The following ANO1 variants were observed in gnomAD, a reference collection of about 807,000 sequenced individuals.
ANO1 encodes the protein anoctamin-1.
Under a neutral mutation model 124.0 loss-of-function variants are expected in ANO1, and 59 were observed. The observed-to-expected ratio is 0.48, with a 90% CI of 0.39 to 0.59. ANO1 has a LOEUF of 0.59. ANO1 is among the 20% of genes least tolerant of loss of function. The pLI, the probability that ANO1 is intolerant of heterozygous loss-of-function variation, is 0.00. For missense variants in ANO1, 1,059 were observed against 1,328.0 expected (o/e 0.80, Z 3.15); for synonymous variants, 529 against 532.0 (o/e 0.99, Z 0.08).
At chr11:70,039,100 T>C (rs782617841) in intron 1 of ANO1, among the ~76,000 whole-genome samples, 3 of 152,056 alleles carry the variant, frequency 2.0e-5, no homozygotes, top group Non-Finnish European at 4.4e-5. Flanking sequence ...ATCTGGGGGA[T>C]TGAGTCTGCT....
At chr11:70,015,111 C>T (rs1024706831) in intron 1 of ANO1, 15 of 151,912 alleles carry the variant, frequency 9.9e-5, no homozygotes, top group African/African-American at 2.7e-4. Context: ...CCTTTTGGCT[C>T]GTAAGTTTTT....
chr11:70,089,991 G>A (rs1169870634), intron 2 of ANO1, among the ~76,000 whole-genome samples: 1 of 3,094 alleles, frequency 3.2e-4, no homozygotes, highest in Non-Finnish European at 6.4e-4. Flanking sequence ...GTTCCCCAGG[G>A]TTTGTTTGTT....
At chr11:70,080,490 G>A (rs1193533377) in intron 1 of ANO1, among the ~76,000 whole-genome samples, 2 of 152,202 alleles carry the variant, frequency 1.3e-5, no homozygotes, top group African/African-American at 4.8e-5. Flanking sequence ...GGTGGCCAAG[G>A]TGATGGAGAA....
chr11:70,172,958 G>C (rs890708675), intron 22 of ANO1, among the ~76,000 whole-genome samples: 1 of 152,064 alleles, frequency 6.6e-6, no homozygotes, highest in Non-Finnish European at 1.5e-5. Context: ...ACACCCTTCA[G>C]ATCATCTCAC....
At chr11:69,966,199 T>G in the ANO1 span, among the ~76,000 whole-genome samples, 1 of 152,182 alleles carries the variant, frequency 6.6e-6, no homozygotes, top group Non-Finnish European at 1.5e-5. Context: ...CCGTGGCTTT[T>G]CAAAGCTGAA....
In ANO1 at chr11:70,188,171, C is replaced by A; in HGVS notation, c.*167C>A. On this transcript the variant is annotated 3_prime_UTR_variant, in exon 26 of 26. Coordinates refer to ENST00000355303, the MANE Select transcript of ANO1 (RefSeq NM_018043.7). The stretch of plus-strand genomic sequence containing the variant: ...CATTTTCCTTTCTTCTTTCTGTTTT[C>A]TTTCCCTTGTTTTTGCACAAAGCCA... 2.4e-6 allele frequency: 2 copies of A among 839,150 alleles called. No individual in the cohort carries two copies. The highest frequency in any genetic ancestry group is 3.6e-6 in the Non-Finnish European group (2 of 557,058). The allele number at this position is 839,150 out of a possible 1,614,324, so 52.0% of individuals were successfully genotyped here.
intron 15 of ANO1, 40 bp downstream of exon 15, chr11:70,156,028 T>G (rs767940854): frequency 6.9e-7 from 1 of 1,441,986 alleles, no homozygotes; most frequent in South Asian, 1.4e-5. Flanking sequence ...TCTTGACTGT[T>G]TGCAGGCAAT....
At chr11:70,023,006 A>T (rs1250144029) in intron 1 of ANO1, among the ~76,000 whole-genome samples, 3 of 152,186 alleles carry the variant, frequency 2.0e-5, no homozygotes, top group African/African-American at 7.2e-5. Context: ...CAAGGCAAGG[A>T]CTGCAGGTGG....
At chr11:70,125,612 A>C (rs2046474702) in intron 9 of ANO1, among the ~76,000 whole-genome samples, 1 of 151,816 alleles carries the variant, frequency 6.6e-6, no homozygotes, top group Non-Finnish European at 1.5e-5. Context: ...TGGGAGGCCG[A>C]AGGGGGCGGA....
Position 70,182,789 on chromosome 11 carries a change from G to A in ANO1, c.2588+103G>A, listed in dbSNP as rs577477393. ...AATCAGGAGCAAGTCATGAAACAAC[G>A]CAAACTTGCTTAAAAAGAAGAAGAA... On this transcript the variant is annotated intron_variant, in intron 24 of 25. Coordinates refer to ENST00000355303, the MANE Select transcript of ANO1 (RefSeq NM_018043.7). 36 of 1,038,090 alleles carry A rather than the reference G, an allele frequency of 3.5e-5. 2 individuals carry two copies. In the South Asian group the frequency reaches 5.5e-4, roughly 16 times the overall value. The allele number at this position is 1,038,090 out of a possible 1,614,324, so 64.3% of individuals were successfully genotyped here.
intron 1 of ANO1, among the ~76,000 whole-genome samples, chr11:70,001,699 G>A (rs1856384655): frequency 6.6e-6 from 1 of 152,226 alleles, no homozygotes; most frequent in Non-Finnish European, 1.5e-5. Flanking sequence ...GCATGGGCAT[G>A]TGTTAGCAAA....
chr11:70,165,699 A>G, intron 20 of ANO1, 129 bp downstream of exon 20: 3 of 759,366 alleles, frequency 4.0e-6, no homozygotes, highest in East Asian at 5.5e-5. Context: ...GCAGGGAGAG[A>G]AGGAGGACAC....
In ANO1 at chr11:70,078,338, G is replaced by A. The variant is rs1244447448; in HGVS notation, c.-269G>A. The A allele has an allele frequency of 9.3e-5, 14 of 149,816 alleles. No homozygotes were observed. The East Asian group carries it at 2.6e-3, about 28-fold the overall frequency. The allele number at this position is 149,816 out of a possible 1,614,324, so 9.3% of individuals were successfully genotyped here. ...GGCTGGCGTCCAAGTTCCTGACCAG[G>A]CGCGGGCCGGCCCGCGGGACCAGCA... On this transcript the variant is annotated 5_prime_UTR_variant, in exon 1 of 26. Coordinates refer to ENST00000355303, the MANE Select transcript of ANO1 (RefSeq NM_018043.7).
At position 70,147,797 on chromosome 11, in the gene ANO1, C is replaced by T. The variant is rs370901934; in HGVS notation, c.1259-1913C>T. Among the ~76,000 whole-genome samples the T allele has an allele frequency of 7.2e-5, 11 of 152,232 alleles. No homozygotes were observed. The East Asian group carries it at 1.9e-3, about 27-fold the overall frequency. On this transcript the variant is annotated intron_variant, in intron 11 of 25. Coordinates refer to ENST00000355303, the MANE Select transcript of ANO1 (RefSeq NM_018043.7). Reference sequence around the variant, plus strand: ...CTCCAATTTCTGGCTCCAGCATTGGCGCTGAGCACCTCCTACTGTCCTGCC... The same window carrying T: ...CTCCAATTTCTGGCTCCAGCATTGGTGCTGAGCACCTCCTACTGTCCTGCC...
the ANO1 span, among the ~76,000 whole-genome samples, chr11:69,973,807 G>T: frequency 6.6e-6 from 1 of 151,744 alleles, no homozygotes; most frequent in Non-Finnish European, 1.5e-5. Context: ...GGGAGGTGGA[G>T]GTTGCAGTGA....
At chr11:70,176,026 G>A (rs552385485) in intron 22 of ANO1, among the ~76,000 whole-genome samples, 1 of 151,986 alleles carries the variant, frequency 6.6e-6, no homozygotes, top group Non-Finnish European at 1.5e-5. Context: ...AGGTGGCCGT[G>A]GTACAGCTTG....
intron 22 of ANO1, among the ~76,000 whole-genome samples, chr11:70,175,069 C>T (rs1387879768): frequency 1.3e-5 from 2 of 152,090 alleles, no homozygotes; most frequent in South Asian, 2.1e-4. Context: ...CCCTCTGCTT[C>T]GAGAAGCTCT....
At chr11:70,103,897 G>C in intron 3 of ANO1, 102 bp from the exon 4 acceptor site, 2 of 1,327,854 alleles carry the variant, frequency 1.5e-6, no homozygotes, top group Non-Finnish European at 2.0e-6. Context: ...AGGACGCCCC[G>C]TTGCATGGGG....
chr11:70,092,632 C>A (rs951639818), intron 2 of ANO1, among the ~76,000 whole-genome samples: 1 of 152,172 alleles, frequency 6.6e-6, no homozygotes, highest in Non-Finnish European at 1.5e-5. Context: ...TGGTCCTTCC[C>A]AGACCATGCT....
Sources: gnomAD v4.1 joint callset for allele counts (sites outside exome capture counted in the v4.1 genomes callset) on GRCh38, gnomAD v4.1.1 for gene constraint, MANE v1.5 for transcripts, NCBI Gene and HGNC (gene_info 2026-07-23, HGNC 2026-07-21) for gene names.